The following FSTL3 variants were observed in gnomAD, a reference collection of about 807,000 sequenced individuals.
The protein encoded by FSTL3 is follistatin like 3.
FSTL3 carries 21 observed loss-of-function variants against 28.1 expected under a neutral mutation model. The ratio of observed to expected loss-of-function variants is 0.75; its 90% CI spans 0.53 to 1.08. FSTL3 has a LOEUF of 1.08. Among genes scored for constraint, FSTL3 ranks in the 50% least tolerant of loss-of-function variants. The pLI, the probability that FSTL3 is intolerant of heterozygous loss-of-function variation, is 0.00. For synonymous variants in FSTL3, 199 were observed against 164.2 expected, an observed-to-expected ratio of 1.21 and a Z score of -1.62; for missense variants, 400 against 380.9, an observed-to-expected ratio of 1.05 and a Z score of -0.42.
Position 681,453 on chromosome 19 carries a change from A to G in FSTL3, c.626A>G (p.Glu209Gly). 6.2e-7 allele frequency: 1 copy of G among 1,600,068 alleles called. No homozygotes were observed. Among genetic ancestry groups the G allele is most frequent in the South Asian group, 1.1e-5 (1 of 90,988 alleles). Residue 209 changes from glutamate to glycine, a missense_variant, in exon 4 of 5, where the codon GAG becomes GGG. Physicochemically the swap from Glu to Gly is moderately conservative, Grantham distance 98. Transcript: ENST00000166139. ...PCPVPSSPGQ[E>G]LCGNNNVTYI... is the part of the protein sequence containing the mutation. The stretch of plus-strand genomic sequence containing the variant: ...CCTGTGCCCTCCAGCCCCGGCCAGG[A>G]GCTTTGCGGCAACAACAACGTCACC...
intron 3 of FSTL3, 174 bp downstream of exon 3, chr19:680,663 G>A (rs2031312440): frequency 2.5e-6 from 1 of 401,142 alleles, no homozygotes; most frequent in Non-Finnish European, 4.2e-6. Flanking sequence ...GCCTGCGGGG[G>A]CGGGGCCTGC....
In FSTL3 at chr19:680,369, C is replaced by T; in HGVS notation, c.385C>T (p.Pro129Ser). The T allele has an allele frequency of 7.8e-7, 1 of 1,281,348 alleles. No homozygotes were observed. 79.4% of individuals were successfully genotyped at this position (1,281,348 alleles called of 1,614,324 possible). ...GTGCGCGCCCGACTGCTCGGGGCTC[C>T]CGGCGCGGCTGCAGGTCTGCGGCTC... ...CECAPDCSGL[P>S]ARLQVCGSDG... The change falls in exon 3 of 5, where the codon CCG (proline) becomes TCG (serine). Residue 129 changes from proline (P) to serine (S), a missense_variant. Coordinates refer to ENST00000166139, the MANE Select transcript of FSTL3 (RefSeq NM_005860.3).
At chr19:678,360 G>A (rs1376537427) in intron 2 of FSTL3, among the ~76,000 whole-genome samples, 1 of 152,180 alleles carries the variant, frequency 6.6e-6, no homozygotes, top group East Asian at 1.9e-4. Context: ...GGTCTGCGGT[G>A]GGGTTACAGC....
chr19:680,064 GCGGACCTCGGCCCCACCGGTCCCGCGCC>G (rs2144799705), intron 2 of FSTL3, 182 bp from the exon 3 acceptor site: 1 of 235,600 alleles, frequency 4.2e-6, no homozygotes, highest in African/African-American at 2.4e-5. Context: ...CAGGCGCAGC[GCGGACCTCGGCCCCACCGGTCCCGCGCC>G]CGGACCCTGA....
intron 2 of FSTL3, chr19:680,006 C>CCCT (rs1555683202): frequency 1.4e-5 from 3 of 208,622 alleles, no homozygotes; most frequent in Admixed American, 5.9e-5. Context: ...CAGAGACCCC[C>CCCT]CCCCGCCCCG....
chr19:676,427 C>A lies in FSTL3; in HGVS notation c.4C>A (p.Arg2Ser), dbSNP rs780362031. The change falls in exon 1 of 5, where the codon CGT (arginine) becomes AGT (serine). Residue 2 changes from arginine (R) to serine (S), a missense_variant. Coordinates refer to ENST00000166139, the MANE Select transcript of FSTL3 (RefSeq NM_005860.3). M[R>S]PGAPGPLWPL... The stretch of plus-strand genomic sequence containing the variant: ...CGCTGCCGTCTCTGCGTTCGCCATG[C>A]GTCCCGGGGCGCCAGGGCCACTCTG... 1 of 1,188,808 alleles carries A rather than the reference C, an allele frequency of 8.4e-7. No homozygotes were observed. The highest frequency in any genetic ancestry group is 3.5e-5 in the East Asian group (1 of 28,472). 73.6% of individuals were successfully genotyped at this position (1,188,808 alleles called of 1,614,324 possible). A position where few individuals can be genotyped will look rare whatever the true frequency, so the allele number is the denominator to read the frequency against.
At chr19:677,752 A>G (rs1218370606) in intron 1 of FSTL3, 40 bp from the exon 2 acceptor site, 1 of 1,557,512 alleles carries the variant, frequency 6.4e-7, no homozygotes, top group Admixed American at 1.8e-5. Flanking sequence ...GCTGGGTGTC[A>G]GGAGTGGCCC....
chr19:679,143 G>A (rs528147976), intron 2 of FSTL3, among the ~76,000 whole-genome samples: 9 of 152,224 alleles, frequency 5.9e-5, no homozygotes, highest in African/African-American at 2.2e-4. Flanking sequence ...TTCAAAAAGT[G>A]CCTGGCCTGG....
In FSTL3 at chr19:680,316, G is replaced by A. The variant is rs1460399335; in HGVS notation, c.332G>A (p.Arg111His). The A allele has an allele frequency of 7.8e-7, 1 of 1,286,598 alleles. No homozygotes were observed. The highest frequency in any genetic ancestry group is 9.8e-7 in the Non-Finnish European group (1 of 1,021,318). The allele number at this position is 1,286,598 out of a possible 1,614,324, so 79.7% of individuals were successfully genotyped here. ...GVECGPGKAC[R>H]MLGGRPRCEC... Reference sequence around the variant, plus strand: ...GAGTGCGGCCCGGGCAAGGCGTGCCGCATGCTGGGGGGCCGCCCGCGCTGC... The same window carrying A: ...GAGTGCGGCCCGGGCAAGGCGTGCCACATGCTGGGGGGCCGCCCGCGCTGC... The change falls in exon 3 of 5, where the codon CGC becomes CAC. Residue 111 changes from arginine (R) to histidine (H), a missense_variant. Arg to His is a conservative substitution (Grantham distance 29). Transcript: ENST00000166139.
chr19:679,891 C>T (rs2031288140), intron 2 of FSTL3: 1 of 160,252 alleles, frequency 6.2e-6, no homozygotes, highest in South Asian at 2.0e-4. Flanking sequence ...CAGCTGGGGC[C>T]CCTCCGGCCT....
intron 2 of FSTL3, 79 bp from the exon 3 acceptor site, chr19:680,195 G>A (rs138448973): frequency 0.029 from 26,811 of 920,958 alleles, 497 homozygotes; most frequent in South Asian, 0.033. Flanking sequence ...GGCGCAGGGA[G>A]GGGCCCCGAG....
Position 681,981 on chromosome 19 carries a change from C to T in FSTL3, c.*273C>T, listed in dbSNP as rs772370806. 19 of 555,000 alleles carry T rather than the reference C, an allele frequency of 3.4e-5. No individual in the cohort carries two copies. Among genetic ancestry groups the T allele is most frequent in the Non-Finnish European group, 5.8e-5 (18 of 308,328 alleles). 34.4% of individuals were successfully genotyped at this position (555,000 alleles called of 1,614,324 possible). A position where few individuals can be genotyped will look rare whatever the true frequency, so the allele number is the denominator to read the frequency against. ...GGATGCCCCAGCCCCTACCCTAAGACCTATTGCCGGGGAGGATTCCACACT... is the reference window on the plus strand; with the variant it reads ...GGATGCCCCAGCCCCTACCCTAAGATCTATTGCCGGGGAGGATTCCACACT... On this transcript the variant is annotated 3_prime_UTR_variant, in exon 5 of 5. Transcript: ENST00000166139.
rs547270934 is a variant in FSTL3 at position 677,822 on chromosome 19, A to C, written c.134A>C (p.Glu45Ala). The change falls in exon 2 of 5, where the codon GAG becomes GCG. Residue 45 changes from glutamate to alanine, a missense_variant. Transcript: ENST00000166139. The part of the protein sequence containing the change: ...GGVCWLQQGQ[E>A]ATCSLVLQTD... The stretch of plus-strand genomic sequence containing the variant: ...GTTTGCTGGCTCCAGCAGGGCCAGG[A>C]GGCCACCTGCAGCCTGGTGCTCCAG... 7.2e-5 allele frequency: 116 copies of C among 1,611,668 alleles called. No individual in the cohort carries two copies. The East Asian group carries it at 2.4e-3, about 33-fold the overall frequency.
At chr19:677,542 C>T (rs2031239213) in intron 1 of FSTL3, among the ~76,000 whole-genome samples, 1 of 147,682 alleles carries the variant, frequency 6.8e-6, no homozygotes, top group African/African-American at 2.5e-5. Flanking sequence ...CGGGAAGGGA[C>T]CTCCTGGGGT....
In FSTL3 at chr19:681,655, C is replaced by G. The variant is rs147593429; in HGVS notation, c.739C>G (p.Pro247Ala). 3.1e-3 allele frequency: 4,929 copies of G among 1,577,314 alleles called. 10 individuals carry two copies. The highest frequency in any genetic ancestry group is 4.1e-3 in the Non-Finnish European group (4,739 of 1,161,732). Reference protein sequence around the residue: ...VRHAGSCAGTPEEPPGGESAE... With the variant: ...VRHAGSCAGTAEEPPGGESAE... ...GCTCTTATCGACCCTTGCAGGCACCCCTGAGGAGCCGCCAGGTGGTGAGTC... is the reference window on the plus strand; with the variant it reads ...GCTCTTATCGACCCTTGCAGGCACCGCTGAGGAGCCGCCAGGTGGTGAGTC... The change falls in exon 5 of 5, where the codon CCT (proline) becomes GCT (alanine). Residue 247 changes from proline (P) to alanine (A), a missense_variant. Pro to Ala is a conservative substitution (Grantham distance 27). Transcript: ENST00000166139.
chr19:680,522 GCGGGAC>G, intron 3 of FSTL3, 33 bp downstream of exon 3: 1 of 1,189,386 alleles, frequency 8.4e-7, no homozygotes, highest in Non-Finnish European at 1.1e-6. Flanking sequence ...GAGGGGCGGG[GCGGGAC>G]CTACCGGACC....
In FSTL3 at chr19:681,321, C is replaced by A; in HGVS notation, c.506-12C>A. On this transcript the variant is annotated splice_polypyrimidine_tract_variant and intron_variant, in intron 3 of 4. Transcript: ENST00000166139. ...GATGTCCCCTGAACTTCCCCTGGCACCCGGCCTGCAGAGTCCTGTGAGCAC... is the reference window on the plus strand; with the variant it reads ...GATGTCCCCTGAACTTCCCCTGGCAACCGGCCTGCAGAGTCCTGTGAGCAC... 6.5e-7 allele frequency: 1 copy of A among 1,533,662 alleles called. No individual in the cohort carries two copies. Among genetic ancestry groups the A allele is most frequent in the South Asian group, 1.2e-5 (1 of 84,498 alleles).
rs772618778 is a variant in FSTL3 at position 682,729 on chromosome 19, G to A, written c.*1021G>A. 6 of 233,208 alleles carry A rather than the reference G, an allele frequency of 2.6e-5. No individual in the cohort carries two copies. Among genetic ancestry groups the A allele is most frequent in the Admixed American group, 5.6e-5 (1 of 17,778 alleles). The allele number at this position is 233,208 out of a possible 1,614,324, so 14.4% of individuals were successfully genotyped here. ...GAGGCAACGTCGCGTGGTCTCAGAC[G>A]TGGAGCAGCCAGCGGCAGCTCAGAG... On this transcript the variant is annotated 3_prime_UTR_variant, in exon 5 of 5. Transcript: ENST00000166139.
rs1438452110 is a variant in FSTL3, at chr19:678,518, TTTTTTTTC to T, written c.289+542_289+549del. On this transcript the variant is annotated intron_variant, in intron 2 of 4. Transcript: ENST00000166139. ...ATGATGGTTTTTTTTTTTTTTTTTT[TTTTTTTTC>T]CTGAGATGGAGCCTCGCTCTGTCAC... Among the ~76,000 whole-genome samples the T allele has an allele frequency of 1.3e-4, 17 of 126,348 alleles. 1 individual carries two copies. Among genetic ancestry groups the T allele is most frequent in the Non-Finnish European group, 2.3e-4 (14 of 61,002 alleles). The allele number at this position is 126,348 out of a possible 152,430, so 82.9% of individuals were successfully genotyped here. A position where few individuals can be genotyped will look rare whatever the true frequency, so the allele number is the denominator to read the frequency against.
Sources: allele counts gnomAD v4.1 joint callset (sites outside exome capture counted in the v4.1 genomes callset), GRCh38; gene constraint gnomAD v4.1.1; transcripts MANE v1.5; gene names NCBI Gene and HGNC (gene_info 2026-07-23, HGNC 2026-07-21).